The following SGCZ variants were observed in gnomAD, a reference collection of about 807,000 sequenced individuals.
SGCZ encodes zeta-sarcoglycan.
A neutral mutation model predicts 41.3 loss-of-function variants in SGCZ; 40 were observed. That is an observed-to-expected ratio of 0.97 (90% CI 0.75 to 1.26). SGCZ has a LOEUF of 1.26. SGCZ is among the 50% of genes most tolerant of loss of function. SGCZ has a pLI of 0.00. For missense variants in SGCZ, 552 were observed against 369.8 expected (o/e 1.49, Z -4.04); for synonymous variants, 206 against 137.5 (o/e 1.50, Z -3.49).
chr8:14,420,895 C>T (rs965843733), intron 2 of SGCZ, among the ~76,000 whole-genome samples: 2 of 152,070 alleles, frequency 1.3e-5, no homozygotes, highest in Non-Finnish European at 2.9e-5. Context: ...GTATGCAGTT[C>T]TTTCCAGATT....
At chr8:14,399,173 G>C (rs1037935) in intron 2 of SGCZ, among the ~76,000 whole-genome samples, 5,944 of 152,160 alleles carry the variant, frequency 0.039, 353 homozygotes, top group African/African-American at 0.13. Flanking sequence ...ATATTGTTGT[G>C]TATCTTTCAT....
chr8:15,046,066 T>C lies in SGCZ; in HGVS notation c.39+191519A>G, dbSNP rs538580967. On this transcript the variant is annotated intron_variant, in intron 1 of 7. Coordinates refer to ENST00000382080, the MANE Select transcript of SGCZ (RefSeq NM_139167.4). Reference sequence around the variant, plus strand: ...ACATTATATTGTTAGTACATTTACATACATTGAAGAATTTCTATTTTGGCT... The same window carrying C: ...ACATTATATTGTTAGTACATTTACACACATTGAAGAATTTCTATTTTGGCT... 4.9e-4 allele frequency among the ~76,000 whole-genome samples: 74 copies of C among 152,244 alleles called. No individual in the cohort carries two copies. The Middle Eastern group carries it at 0.01, about 21-fold the overall frequency.
intron 1 of SGCZ, among the ~76,000 whole-genome samples, chr8:15,129,370 A>G (rs1807816447): frequency 6.6e-6 from 1 of 152,182 alleles, no homozygotes; most frequent in Non-Finnish European, 1.5e-5. Flanking sequence ...TTATTATTAT[A>G]TTAGCCTTCC....
chr8:14,596,741 G>T (rs1805424954), intron 1 of SGCZ, among the ~76,000 whole-genome samples: 1 of 152,056 alleles, frequency 6.6e-6, no homozygotes, highest in South Asian at 2.1e-4. Flanking sequence ...AAACCTAGAT[G>T]ATGCGTTGAC....
intron 1 of SGCZ, among the ~76,000 whole-genome samples, chr8:15,079,999 T>C (rs762343830): frequency 1.8e-4 from 27 of 152,294 alleles, no homozygotes; most frequent in African/African-American, 6.5e-4. Flanking sequence ...TTCATTTCTG[T>C]TCCATTTCTT....
intron 1 of SGCZ, among the ~76,000 whole-genome samples, chr8:15,062,812 C>G (rs1199933054): frequency 1.3e-5 from 2 of 152,048 alleles, no homozygotes; most frequent in African/African-American, 4.8e-5. Flanking sequence ...TAAAATATCA[C>G]TACATATGAT....
chr8:14,763,198 T>A (rs989444017), intron 1 of SGCZ, among the ~76,000 whole-genome samples: 1 of 152,174 alleles, frequency 6.6e-6, no homozygotes, highest in African/African-American at 2.4e-5. Flanking sequence ...GTCAAGTTCT[T>A]AGGAAATCCC....
chr8:15,219,936 G>C (rs1801535603), intron 1 of SGCZ, among the ~76,000 whole-genome samples: 1 of 152,152 alleles, frequency 6.6e-6, no homozygotes, highest in African/African-American at 2.4e-5. Context: ...ATACTTTGAT[G>C]GTAGTTGTAA....
intron 3 of SGCZ, among the ~76,000 whole-genome samples, chr8:14,297,149 C>T (rs779120141): frequency 3.3e-5 from 5 of 152,020 alleles, no homozygotes; most frequent in African/African-American, 7.3e-5. Context: ...TCTCAAACTC[C>T]TGACCTCAGG....
At chr8:14,443,748 T>C (rs1282666295) in intron 2 of SGCZ, among the ~76,000 whole-genome samples, 1 of 152,064 alleles carries the variant, frequency 6.6e-6, no homozygotes, top group South Asian at 2.1e-4. Flanking sequence ...GACATAGGCA[T>C]AGGCAAGGAC....
At chr8:14,430,997 G>C (rs1799928190) in intron 2 of SGCZ, among the ~76,000 whole-genome samples, 1 of 152,106 alleles carries the variant, frequency 6.6e-6, no homozygotes, top group African/African-American at 2.4e-5. Context: ...GGAGGTGAAA[G>C]ACCTGTACAA....
chr8:15,108,729 G>C (rs1563130194), intron 1 of SGCZ, among the ~76,000 whole-genome samples: 1 of 152,130 alleles, frequency 6.6e-6, no homozygotes, highest in Non-Finnish European at 1.5e-5. Flanking sequence ...TTAAAAGAAT[G>C]AATAGAAATC....
intron 4 of SGCZ, among the ~76,000 whole-genome samples, chr8:14,200,522 G>C (rs575605586): frequency 6.6e-6 from 1 of 152,094 alleles, no homozygotes; most frequent in African/African-American, 2.4e-5. Context: ...AATAGGATAA[G>C]GTAGAGAGCC....
chr8:14,239,575 A>T (rs1798785232), intron 3 of SGCZ, among the ~76,000 whole-genome samples: 1 of 152,154 alleles, frequency 6.6e-6, no homozygotes, highest in South Asian at 2.1e-4. Flanking sequence ...CAATAGAGTA[A>T]AACACCATAA....
At chr8:14,522,066 A>G (rs1343955259) in intron 2 of SGCZ, among the ~76,000 whole-genome samples, 5 of 152,140 alleles carry the variant, frequency 3.3e-5, no homozygotes. Context: ...GGTAGGTTAC[A>G]TGATTAATTT....
At chr8:14,164,552 A>G (rs780957695) in intron 5 of SGCZ, 28 bp downstream of exon 5, 3 of 1,611,926 alleles carry the variant, frequency 1.9e-6, no homozygotes, top group South Asian at 1.1e-5. Flanking sequence ...AGAAGTAAAC[A>G]ATTTTTCAAG....
At chr8:14,614,697 A>C (rs1585126566) in intron 1 of SGCZ, among the ~76,000 whole-genome samples, 1 of 152,162 alleles carries the variant, frequency 6.6e-6, no homozygotes, top group African/African-American at 2.4e-5. Flanking sequence ...ATGACTACAG[A>C]GGGAAAATGT....
intron 1 of SGCZ, among the ~76,000 whole-genome samples, chr8:15,060,741 G>A (rs368351987): frequency 2.0e-5 from 3 of 151,684 alleles, no homozygotes; most frequent in Non-Finnish European, 4.4e-5. Flanking sequence ...GGACCTGTAG[G>A]TAGTCAACAT....
chr8:14,379,724 T>TTA (rs1006086956), intron 2 of SGCZ, among the ~76,000 whole-genome samples: 23 of 151,734 alleles, frequency 1.5e-4, no homozygotes, highest in Non-Finnish European at 2.5e-4. Flanking sequence ...TATATTGAAA[T>TTA]TATATATATA....
Sources: gnomAD v4.1 joint callset for allele counts (sites outside exome capture counted in the v4.1 genomes callset) on GRCh38, gnomAD v4.1.1 for gene constraint, MANE v1.5 for transcripts, NCBI Gene and HGNC (gene_info 2026-07-23, HGNC 2026-07-21) for gene names.